Variants in AFG3L2 observed in about 807,000 individuals in gnomAD.
The protein encoded by AFG3L2 is mitochondrial inner membrane m-AAA protease component AFG3L2.
A neutral mutation model predicts 94.5 loss-of-function variants in AFG3L2; 54 were observed. The ratio of observed to expected loss-of-function variants is 0.57; its 90% CI spans 0.46 to 0.72. AFG3L2 has a LOEUF of 0.72. Ranked by LOEUF, AFG3L2 falls within the 30% of genes least tolerant of loss-of-function variation. AFG3L2 has a pLI of 0.00. For missense variants in AFG3L2, 754 were observed against 994.9 expected, an observed-to-expected ratio of 0.76 and a Z score of 3.26; for synonymous variants, 377 against 365.5, an observed-to-expected ratio of 1.03 and a Z score of -0.36.
intron 10 of AFG3L2, 107 bp from the exon 11 acceptor site, chr18:12,351,520 C>A: frequency 2.2e-6 from 2 of 910,974 alleles, no homozygotes; most frequent in Middle Eastern, 2.6e-4. Flanking sequence ...ACAGTAAACA[C>A]ATTTTCTATT....
intron 6 of AFG3L2, 105 bp from the exon 7 acceptor site, chr18:12,360,156 T>A (rs1384110648): frequency 1.9e-6 from 2 of 1,075,742 alleles, no homozygotes; most frequent in Admixed American, 4.6e-5. Context: ...TACTGAAAAT[T>A]TATAAATTAA....
Position 12,340,304 on chromosome 18 carries a change from C to T in AFG3L2, c.1877G>A (p.Cys626Tyr), listed in dbSNP as rs1303415632. The change falls in exon 15 of 17, where the codon TGT (cysteine) becomes TAT (tyrosine). Residue 626 changes from cysteine (C) to tyrosine (Y), a missense_variant. Cys to Tyr is a radical substitution (Grantham distance 194, BLOSUM62 -2). Coordinates refer to ENST00000269143, the MANE Select transcript of AFG3L2 (RefSeq NM_006796.3). ...AGAGACTCGACCACCTAAAGTCATA[C>T]ACATCCTATCCAAGAGCTGCTCTTT... The part of the protein sequence containing the change: ...YTKEQLLDRM[C>Y]MTLGGRVSEE... 2 of 1,614,004 alleles carry T rather than the reference C, an allele frequency of 1.2e-6. No individual in the cohort carries two copies. Among genetic ancestry groups the T allele is most frequent in the African/African-American group, 2.7e-5 (2 of 74,934 alleles).
chr18:12,358,336 A>G (rs1167354759), intron 8 of AFG3L2, among the ~76,000 whole-genome samples: 1 of 152,258 alleles, frequency 6.6e-6, no homozygotes, highest in African/African-American at 2.4e-5. Context: ...ACTGGGTGAC[A>G]GCAGAGTGTG....
rs1363377088 is a variant in AFG3L2 at position 12,337,478 on chromosome 18, G to A, written c.2038C>T (p.Gln680Ter). ...GGTTTCTCCAATACCATGTCCCCCT[G>A]ACGTGGGAGGTCAAAGGAGATTTGC... ...VGQISFDLPR[Q>*]GDMVLEKPYS... Residue 680 changes from glutamine to a stop codon, truncating the protein, a stop_gained, in exon 16 of 17, where the codon CAG becomes TAG. Transcript: ENST00000269143. LOFTEE classifies it high-confidence loss of function. 6.2e-7 allele frequency: 1 copy of A among 1,614,202 alleles called. No homozygotes were observed. Among genetic ancestry groups the A allele is most frequent in the South Asian group, 1.1e-5 (1 of 91,084 alleles).
intron 7 of AFG3L2, 96 bp from the exon 8 acceptor site, chr18:12,359,039 C>T (rs1908580608): frequency 2.7e-6 from 4 of 1,493,972 alleles, no homozygotes; most frequent in East Asian, 2.5e-5. Context: ...TATAGCTACA[C>T]CAAGGTATAC....
At chr18:12,332,217 A>T (rs1907557040) in intron 16 of AFG3L2, among the ~76,000 whole-genome samples, 1 of 143,732 alleles carries the variant, frequency 7.0e-6, no homozygotes, top group African/African-American at 2.6e-5. Flanking sequence ...TCCGCCTCCC[A>T]GGTTCAAGTG....
intron 5 of AFG3L2, among the ~76,000 whole-genome samples, chr18:12,364,248 C>T (rs1015247940): frequency 6.6e-6 from 1 of 152,226 alleles, no homozygotes; most frequent in East Asian, 1.9e-4. Context: ...GCTGACACTT[C>T]CGTGCTGCAG....
intron 16 of AFG3L2, among the ~76,000 whole-genome samples, chr18:12,335,918 T>C (rs1907727604): frequency 6.6e-6 from 1 of 152,252 alleles, no homozygotes; most frequent in Non-Finnish European, 1.5e-5. Flanking sequence ...ATAGGGGTTA[T>C]AGTCGGCTTC....
At chr18:12,341,399 A>C (rs1241670199) in intron 14 of AFG3L2, 1 of 152,212 alleles carries the variant, frequency 6.6e-6, no homozygotes, top group Non-Finnish European at 1.5e-5. Context: ...CATCATGCCC[A>C]GAAAGTTCCC....
At chr18:12,347,984 C>T (rs1296934159) in intron 13 of AFG3L2, among the ~76,000 whole-genome samples, 1 of 152,240 alleles carries the variant, frequency 6.6e-6, no homozygotes, top group Admixed American at 6.5e-5. Context: ...AGACACCTCG[C>T]TGCTGGCTGC....
intron 1 of AFG3L2, among the ~76,000 whole-genome samples, chr18:12,376,200 C>T (rs1909150589): frequency 6.6e-6 from 1 of 152,172 alleles, no homozygotes; most frequent in Non-Finnish European, 1.5e-5. Context: ...GCCAGGTTCC[C>T]GTGGCCGACC....
At position 12,370,033 on chromosome 18, in the gene AFG3L2, C is replaced by T. The variant is rs369947963; in HGVS notation, c.292+816G>A. On this transcript the variant is annotated intron_variant, in intron 3 of 16. Coordinates refer to ENST00000269143, the MANE Select transcript of AFG3L2 (RefSeq NM_006796.3). ...TCATGCCACTGCACTCCAGCCTGGA[C>T]GACAGAGCTAGACTCTGTCTCAAAA... is the stretch of plus-strand genomic sequence containing the variant. Among the ~76,000 whole-genome samples, 192 of 130,106 alleles carry T rather than the reference C, an allele frequency of 1.5e-3. 1 individual carries two copies. Among genetic ancestry groups the T allele is most frequent in the African/African-American group, 5.0e-3 (168 of 33,548 alleles). The allele number at this position is 130,106 out of a possible 152,430, so 85.4% of individuals were successfully genotyped here. A position where few individuals can be genotyped will look rare whatever the true frequency, so the allele number is the denominator to read the frequency against.
At chr18:12,368,258 C>T (rs1598838429) in intron 3 of AFG3L2, among the ~76,000 whole-genome samples, 1 of 152,266 alleles carries the variant, frequency 6.6e-6, no homozygotes, top group East Asian at 1.9e-4. Context: ...ACACAGGAGG[C>T]TGAGGCAGGA....
At chr18:12,366,112 G>A (rs1191081901) in intron 5 of AFG3L2, among the ~76,000 whole-genome samples, 1 of 151,944 alleles carries the variant, frequency 6.6e-6, no homozygotes, top group Admixed American at 6.6e-5. Context: ...TCCTGACCTC[G>A]TGATTCACCC....
In AFG3L2 at chr18:12,351,113, T is replaced by C. The variant is rs1459459833; in HGVS notation, c.1524A>G (p.Lys508=). The C allele has an allele frequency of 6.2e-7, 1 of 1,613,432 alleles. No individual in the cohort carries two copies. Residue 508 remains lysine, a synonymous_variant, in exon 12 of 17, where the codon AAA becomes AAG. Coordinates refer to ENST00000269143, the MANE Select transcript of AFG3L2 (RefSeq NM_006796.3). ...STLEKDKLAR[K]LASLTPGFSG... ...AAAACCCTGGAGTTAAAGATGCCAGTTTTCTTGCCAATTTATCCTTCTCCA... is the reference window on the plus strand; with the variant it reads ...AAAACCCTGGAGTTAAAGATGCCAGCTTTCTTGCCAATTTATCCTTCTCCA...
intron 12 of AFG3L2, among the ~76,000 whole-genome samples, chr18:12,350,383 T>C (rs1908276683): frequency 6.6e-6 from 1 of 152,198 alleles, no homozygotes; most frequent in Non-Finnish European, 1.5e-5. Flanking sequence ...TTGTACACTT[T>C]ATACGGGTGA....
chr18:12,376,975 G>C lies in AFG3L2; in HGVS notation c.108C>G (p.Leu36=). The C allele has an allele frequency of 2.1e-6, 3 of 1,459,404 alleles. No individual in the cohort carries two copies. The highest frequency in any genetic ancestry group is 2.7e-6 in the Non-Finnish European group (3 of 1,110,126). The allele number at this position is 1,459,404 out of a possible 1,614,324, so 90.4% of individuals were successfully genotyped here. ...GGVGPGEQPC[L]RTLYRFVTTQ... is the part of the protein sequence containing the mutation. ...GCGCCCAGGTAGGACTCACCGTCCG[G>C]AGGCAGGGCTGCTCGCCCGGGCCCA... Residue 36 remains leucine, a synonymous_variant, in exon 1 of 17, where the codon CTC becomes CTG. Coordinates refer to ENST00000269143, the MANE Select transcript of AFG3L2 (RefSeq NM_006796.3).
chr18:12,333,032 A>ATTAT (rs1568132018), intron 16 of AFG3L2, among the ~76,000 whole-genome samples: 6 of 65,106 alleles, frequency 9.2e-5, no homozygotes, highest in South Asian at 6.0e-4. Context: ...TAATATATAA[A>ATTAT]AATATATAAT....
intron 3 of AFG3L2, among the ~76,000 whole-genome samples, chr18:12,368,547 A>G (rs1044992719): frequency 6.6e-6 from 1 of 152,132 alleles, no homozygotes; most frequent in Non-Finnish European, 1.5e-5. Context: ...GGAAAACTGT[A>G]AATCAGTCCT....
Sources: gnomAD v4.1 joint callset for allele counts (sites outside exome capture counted in the v4.1 genomes callset) on GRCh38, gnomAD v4.1.1 for gene constraint, MANE v1.5 for transcripts, NCBI Gene and HGNC (gene_info 2026-07-23, HGNC 2026-07-21) for gene names.